Variants in DYSF observed in about 807,000 individuals in gnomAD.
The protein encoded by DYSF is dysferlin, also known as dystrophy-associated fer-1-like 1.
In DYSF, 212 loss-of-function variants were observed where a neutral mutation model predicts 274.9. The ratio of observed to expected loss-of-function variants is 0.77; its 90% confidence interval spans 0.69 to 0.86. DYSF has a LOEUF of 0.86. DYSF is among the 40% of genes least tolerant of loss of function. The pLI, the probability that DYSF is intolerant of heterozygous loss-of-function variation, is 0.00. For missense variants in DYSF, 2,666 were observed against 2,783.2 expected (o/e 0.96, Z 0.95); for synonymous variants, 1,091 against 1,078.7 (o/e 1.01, Z -0.22).
chr2:71,620,589 T>A lies in DYSF; in HGVS notation c.4507T>A (p.Ser1503Thr), dbSNP rs1234222533. The A allele has an allele frequency of 9.0e-6, 14 of 1,551,458 alleles. No homozygotes were observed. The highest frequency in any genetic ancestry group is 1.1e-5 in the Non-Finnish European group (13 of 1,146,952). The change falls in exon 41 of 56, where the codon TCT (serine) becomes ACT (threonine). Residue 1503 changes from serine (S) to threonine (T), a missense_variant. Coordinates refer to ENST00000410020, the MANE Select transcript of DYSF (RefSeq NM_001130987.2). ...LSSLAPTNTA[S>T]PPSSPHEEEF... ...GAGCTTGGCCCCCACTAACACGGCT[T>A]CTCCTCCATCCAGTCCTCATGTATG...
At chr2:71,586,276 T>C (rs1337951970) in intron 30 of DYSF, among the ~76,000 whole-genome samples, 1 of 152,110 alleles carries the variant, frequency 6.6e-6, no homozygotes, top group African/African-American at 2.4e-5. Flanking sequence ...GTGGCTTCCC[T>C]CAGCCTGGCT....
At chr2:71,463,363 A>C (rs2152635537), upstream of DYSF, among the ~76,000 whole-genome samples, 1 of 152,314 alleles carries the variant, frequency 6.6e-6, no homozygotes, top group African/African-American at 2.4e-5. Context: ...CTGAGCCTGC[A>C]AGCTTCCTGG....
At position 71,569,931 on chromosome 2, in the gene DYSF, T is replaced by A. The variant is rs1328741092; in HGVS notation, c.2976T>A (p.Asp992Glu). 8.1e-6 allele frequency: 13 copies of A among 1,613,824 alleles called. No homozygotes were observed. Among genetic ancestry groups the A allele is most frequent in the Non-Finnish European group, 1.1e-5 (13 of 1,179,838 alleles). ...TCTACATGAGTGACAACTACACCGA[T>A]GTGGTAAAGCAGGCACTCAGGGGCA... ...QWIYMSDNYT[D>E]VNGEKVLPKD... Residue 992 changes from aspartate to glutamate, a missense_variant, in exon 27 of 56, where the codon GAT (aspartate) becomes GAA (glutamate). Coordinates refer to ENST00000410020, the MANE Select transcript of DYSF (RefSeq NM_001130987.2).
At chr2:71,567,827 A>G in intron 24 of DYSF, 124 bp from the exon 25 acceptor site, 3 of 1,401,384 alleles carry the variant, frequency 2.1e-6, no homozygotes, top group Non-Finnish European at 2.9e-6. Context: ...CCCACAGGGG[A>G]CACTCCCAGT....
chr2:71,544,734 G>A (rs1017530279), intron 17 of DYSF, among the ~76,000 whole-genome samples: 2 of 152,082 alleles, frequency 1.3e-5, no homozygotes, highest in South Asian at 2.1e-4. Context: ...TGTTAACATC[G>A]TTTTTAAGCA....
chr2:71,589,788 G>T, intron 31 of DYSF, 102 bp downstream of exon 31: 1 of 1,189,770 alleles, frequency 8.4e-7, no homozygotes, highest in South Asian at 1.2e-5. Flanking sequence ...GGGGCTCTGG[G>T]GAGCTGAGTC....
chr2:71,573,035 G>A (rs139935300), intron 29 of DYSF, among the ~76,000 whole-genome samples: 25 of 152,336 alleles, frequency 1.6e-4, no homozygotes, highest in South Asian at 6.2e-4. Flanking sequence ...CTCTGTGCCC[G>A]CCTGTCCTGG....
chr2:71,680,388 G>T (rs974240801), intron 53 of DYSF, among the ~76,000 whole-genome samples: 1 of 152,124 alleles, frequency 6.6e-6, no homozygotes, highest in Non-Finnish European at 1.5e-5. Flanking sequence ...ACTGTGTGGA[G>T]GAAGAAATTT....
At chr2:71,505,324 G>A (rs113868312) in intron 4 of DYSF, among the ~76,000 whole-genome samples, 77 of 152,316 alleles carry the variant, frequency 5.1e-4, no homozygotes, top group African/African-American at 1.8e-3. Context: ...GAGGGTTCTC[G>A]CTGGCCGCTC....
In DYSF at chr2:71,658,926, C is replaced by A; in HGVS notation, c.4804C>A (p.Pro1602Thr). ...CCCAGAAGACCCAGCCATCCCCATGCCCCCAAGACAGTTCCACCAGCTGGC... is the reference window on the plus strand; with the variant it reads ...CCCAGAAGACCCAGCCATCCCCATGACCCCAAGACAGTTCCACCAGCTGGC... ...PLPEDPAIPM[P>T]PRQFHQLAAQ... Residue 1602 changes from proline to threonine, a missense_variant, in exon 44 of 56, where the codon CCC becomes ACC. Transcript: ENST00000410020. The A allele has an allele frequency of 6.2e-7, 1 of 1,614,212 alleles. No individual in the cohort carries two copies. The highest frequency in any genetic ancestry group is 8.5e-7 in the Non-Finnish European group (1 of 1,180,044).
intron 1 of DYSF, among the ~76,000 whole-genome samples, chr2:71,461,324 G>A (rs1191688761): frequency 1.3e-5 from 2 of 152,198 alleles, no homozygotes; most frequent in Non-Finnish European, 2.9e-5. Flanking sequence ...TGCTTTCCTG[G>A]AGAGGTGATC....
intron 41 of DYSF, among the ~76,000 whole-genome samples, chr2:71,636,511 TG>T (rs71403000): frequency 0.26 from 39,943 of 151,966 alleles, 6,408 homozygotes; most frequent in East Asian, 0.39. Context: ...CTTGAGCATC[TG>T]GAAGGAGAGA....
At chr2:71,573,508 C>A (rs1043126406) in intron 29 of DYSF, among the ~76,000 whole-genome samples, 2 of 152,170 alleles carry the variant, frequency 1.3e-5, no homozygotes, top group African/African-American at 4.8e-5. Context: ...AGGAAAGGGA[C>A]CCCATGAACG....
chr2:71,564,596 A>C (rs919264738), intron 24 of DYSF, among the ~76,000 whole-genome samples: 2 of 152,066 alleles, frequency 1.3e-5, no homozygotes, highest in African/African-American at 4.8e-5. Flanking sequence ...CCTGGCTTCC[A>C]CACCAACCCG....
At chr2:71,659,940 G>T (rs1030327794) in intron 44 of DYSF, among the ~76,000 whole-genome samples, 2 of 152,240 alleles carry the variant, frequency 1.3e-5, no homozygotes, top group Non-Finnish European at 2.9e-5. Flanking sequence ...CGGAGGCCTG[G>T]TATCCCACCC....
At chr2:71,584,793 A>G (rs1363958516) in intron 30 of DYSF, among the ~76,000 whole-genome samples, 1 of 152,220 alleles carries the variant, frequency 6.6e-6, no homozygotes, top group African/African-American at 2.4e-5. Flanking sequence ...TGGGCAGCCA[A>G]GGAGGTGCCC....
intron 51 of DYSF, among the ~76,000 whole-genome samples, chr2:71,672,612 C>T (rs774467524): frequency 6.6e-6 from 1 of 152,172 alleles, no homozygotes; most frequent in Non-Finnish European, 1.5e-5. Context: ...GCATAATGAG[C>T]GCCTGGGACC....
At chr2:71,588,475 G>C (rs1297847092) in intron 30 of DYSF, among the ~76,000 whole-genome samples, 1 of 152,090 alleles carries the variant, frequency 6.6e-6, no homozygotes, top group Non-Finnish European at 1.5e-5. Flanking sequence ...GGGGGGCTTT[G>C]TAGCTTCAGA....
chr2:71,508,258 C>G (rs57306242), intron 4 of DYSF, among the ~76,000 whole-genome samples: 1 of 152,122 alleles, frequency 6.6e-6, no homozygotes, highest in African/African-American at 2.4e-5. Context: ...ATTCTGAACT[C>G]GAGTGTGTGT....
Sources: allele counts gnomAD v4.1 joint callset (sites outside exome capture counted in the v4.1 genomes callset), GRCh38; gene constraint gnomAD v4.1.1; transcripts MANE v1.5; gene names NCBI Gene and HGNC (gene_info 2026-07-23, HGNC 2026-07-21).